The following UBE2W variants were observed in gnomAD, a reference collection of about 807,000 sequenced individuals.
UBE2W encodes ubiquitin-conjugating enzyme E2 W.
In UBE2W, 18 loss-of-function variants were observed where a neutral mutation model predicts 27.2. The ratio of observed to expected loss-of-function variants is 0.66; its 90% CI spans 0.46 to 0.98. The LOEUF (loss-of-function observed/expected upper bound fraction) is 0.98, where lower values mean the gene tolerates loss of function less well. UBE2W is among the 50% of genes least tolerant of loss of function. UBE2W has a pLI of 0.00. For synonymous variants in UBE2W, 53 were observed against 57.2 expected (o/e 0.93, Z 0.33); for missense variants, 90 against 180.2 (o/e 0.50, Z 2.87).
intron 1 of UBE2W, among the ~76,000 whole-genome samples, chr8:73,868,234 C>G (rs977737643): frequency 9.9e-5 from 15 of 152,074 alleles, no homozygotes; most frequent in African/African-American, 3.6e-4. Context: ...GAATGGAACA[C>G]CAATAGCCAA....
At position 73,787,214 on chromosome 8, in the gene UBE2W, C is replaced by T. The variant is rs1418848081; in HGVS notation, c.*6888G>A. ...CCAACAGGACAGATAACCACAGTGG[C>T]TTTGAGCTTTGTTGTCCAAGTACAC... On this transcript the variant is annotated 3_prime_UTR_variant, in exon 6 of 6. Coordinates refer to ENST00000602593, the MANE Select transcript of UBE2W (RefSeq NM_018299.6). 6 of 985,302 alleles carry T rather than the reference C, an allele frequency of 6.1e-6. No homozygotes were observed. Among genetic ancestry groups the T allele is most frequent in the Non-Finnish European group, 7.2e-6 (6 of 829,938 alleles). The allele number at this position is 985,302 out of a possible 1,614,324, so 61.0% of individuals were successfully genotyped here. A position where few individuals can be genotyped will look rare whatever the true frequency, so the allele number is the denominator to read the frequency against.
chr8:73,859,575 GTA>G (rs1382343522), intron 1 of UBE2W, among the ~76,000 whole-genome samples: 1 of 152,138 alleles, frequency 6.6e-6, no homozygotes, highest in Admixed American at 6.5e-5. Flanking sequence ...TAAGAATAGA[GTA>G]TATAATACAT....
At chr8:73,825,350 C>G in intron 2 of UBE2W, 101 bp from the exon 3 acceptor site, 3 of 751,622 alleles carry the variant, frequency 4.0e-6, no homozygotes, top group Non-Finnish European at 6.5e-6. Flanking sequence ...AGCACTAGGA[C>G]AAGAGTTGGT....
chr8:73,876,935 C>G (rs905160294), intron 1 of UBE2W, among the ~76,000 whole-genome samples: 1 of 152,126 alleles, frequency 6.6e-6, no homozygotes, highest in African/African-American at 2.4e-5. Context: ...CCATTGCACT[C>G]CAGCCTGGGC....
In UBE2W at chr8:73,790,926, T is replaced by C; in HGVS notation, c.*3176A>G. 1.0e-6 allele frequency: 1 copy of C among 980,928 alleles called. No homozygotes were observed. Among genetic ancestry groups the C allele is most frequent in the Non-Finnish European group, 1.2e-6 (1 of 825,876 alleles). 60.8% of individuals were successfully genotyped at this position (980,928 alleles called of 1,614,324 possible). A position where few individuals can be genotyped will look rare whatever the true frequency, so the allele number is the denominator to read the frequency against. On this transcript the variant is annotated 3_prime_UTR_variant, in exon 6 of 6. Transcript: ENST00000602593. ...CCACAGGAATCTAATGATATATATA[T>C]TTGCATATATTTAAAATTTCATGAG...
chr8:73,780,739 G>T (rs1313590350), intron 4 of UBE2W, among the ~76,000 whole-genome samples: 7 of 151,694 alleles, frequency 4.6e-5, no homozygotes, highest in African/African-American at 9.7e-5. Context: ...GCCCAGGCTG[G>T]TCTCGAACTC....
chr8:73,812,930 G>A (rs542827065), intron 3 of UBE2W, among the ~76,000 whole-genome samples: 9 of 151,114 alleles, frequency 6.0e-5, no homozygotes, highest in South Asian at 4.2e-4. Context: ...GCTTGAACCC[G>A]GGAGGCAGAG....
intron 1 of UBE2W, among the ~76,000 whole-genome samples, chr8:73,838,616 T>G (rs951731716): frequency 6.6e-6 from 1 of 152,156 alleles, no homozygotes; most frequent in Admixed American, 6.5e-5. Context: ...TTCCTAAAAC[T>G]TTTTTCTGCT....
intron 1 of UBE2W, chr8:73,870,185 G>A (rs1487654353): frequency 2.1e-6 from 3 of 1,408,384 alleles, no homozygotes; most frequent in African/African-American, 2.9e-5. Flanking sequence ...TTAAAAGGAT[G>A]TCAAAATGGA....
rs1285489369 is a variant in UBE2W at position 73,790,036 on chromosome 8, AT to A, written c.*4065del. 5 of 985,234 alleles carry A rather than the reference AT, an allele frequency of 5.1e-6. No individual in the cohort carries two copies. The highest frequency in any genetic ancestry group is 6.0e-6 in the Non-Finnish European group (5 of 829,886). 61.0% of individuals were successfully genotyped at this position (985,234 alleles called of 1,614,324 possible). On this transcript the variant is annotated 3_prime_UTR_variant, in exon 6 of 6. Coordinates refer to ENST00000602593, the MANE Select transcript of UBE2W (RefSeq NM_018299.6). ...TAACAGCTCATTTACCAAGTAGTCA[AT>A]TATTCAACAAATTTAGCCATCTACT...
At chr8:73,848,065 G>A (rs535990403) in intron 1 of UBE2W, among the ~76,000 whole-genome samples, 93 of 151,928 alleles carry the variant, frequency 6.1e-4, no homozygotes, top group Admixed American at 3.4e-3. Flanking sequence ...GCTGGGTGTC[G>A]TGGCGCATGC....
At chr8:73,828,933 C>T (rs1405519070) in intron 2 of UBE2W, among the ~76,000 whole-genome samples, 1 of 152,122 alleles carries the variant, frequency 6.6e-6, no homozygotes, top group African/African-American at 2.4e-5. Context: ...GGATCTTCCA[C>T]ATCCATATCC....
intron 5 of UBE2W, among the ~76,000 whole-genome samples, chr8:73,796,294 TATGTCAAACTACTGG>T (rs2130848058): frequency 6.6e-6 from 1 of 152,222 alleles, no homozygotes; most frequent in Non-Finnish European, 1.5e-5. Context: ...TTCTACCTAA[TATGTCAAACTACTGG>T]GGATAAATTT....
intron 1 of UBE2W, among the ~76,000 whole-genome samples, chr8:73,878,209 G>A (rs921255598): frequency 6.6e-6 from 1 of 152,226 alleles, no homozygotes; most frequent in Non-Finnish European, 1.5e-5. Context: ...TACCGAGGCT[G>A]ATGGAAATAG....
chr8:73,846,470 AT>A (rs1303152563), intron 1 of UBE2W, among the ~76,000 whole-genome samples: 1 of 152,152 alleles, frequency 6.6e-6, no homozygotes, highest in Non-Finnish European at 1.5e-5. Flanking sequence ...ATTTAAAAAA[AT>A]TTTTTATAAA....
intron 1 of UBE2W, among the ~76,000 whole-genome samples, chr8:73,838,261 C>T (rs555996498): frequency 1.1e-4 from 16 of 152,136 alleles, no homozygotes; most frequent in Non-Finnish European, 1.5e-4. Flanking sequence ...GATATGAAAC[C>T]ACACTAATTT....
chr8:73,851,673 G>A (rs1365204401), intron 1 of UBE2W, among the ~76,000 whole-genome samples: 1 of 152,076 alleles, frequency 6.6e-6, no homozygotes, highest in Middle Eastern at 3.2e-3. Flanking sequence ...AAGACAGGCT[G>A]AAAACTACTA....
At chr8:73,820,776 CAAACAAAA>C (rs1386417291) in intron 3 of UBE2W, among the ~76,000 whole-genome samples, 2 of 139,996 alleles carry the variant, frequency 1.4e-5, no homozygotes, top group Admixed American at 1.4e-4. Context: ...AACAAACAAA[CAAACAAAA>C]AAACAAAATA....
intron 1 of UBE2W, among the ~76,000 whole-genome samples, chr8:73,859,154 C>T (rs1272223281): frequency 6.6e-6 from 1 of 152,120 alleles, no homozygotes; most frequent in Non-Finnish European, 1.5e-5. Context: ...TTTGTCACTC[C>T]TGAGACAGCA....
Sources: gnomAD v4.1 joint callset for allele counts (sites outside exome capture counted in the v4.1 genomes callset) on GRCh38, gnomAD v4.1.1 for gene constraint, MANE v1.5 for transcripts, NCBI Gene and HGNC (gene_info 2026-07-23, HGNC 2026-07-21) for gene names.